SLC2A12: variants seen among roughly 807,000 people sequenced by gnomAD.
The protein encoded by SLC2A12 is solute carrier family 2, facilitated glucose transporter member 12.
SLC2A12 carries 23 observed loss-of-function variants against 41.8 expected under a neutral mutation model. The ratio of observed to expected loss-of-function variants is 0.55; its 90% CI spans 0.40 to 0.78. The LOEUF (loss-of-function observed/expected upper bound fraction) is 0.78. SLC2A12 is among the 30% of genes least tolerant of loss of function. The pLI, the probability that SLC2A12 is intolerant of heterozygous loss-of-function variation, is 0.00. For missense variants in SLC2A12, 654 were observed against 745.6 expected, an observed-to-expected ratio of 0.88 and a Z score of 1.43; for synonymous variants, 295 against 285.9, an observed-to-expected ratio of 1.03 and a Z score of -0.32.
chr6:134,028,450 A>G lies in SLC2A12; in HGVS notation c.1375T>C (p.Phe459Leu). The G allele has an allele frequency of 6.2e-7, 1 of 1,614,106 alleles. No individual in the cohort carries two copies. The highest frequency in any genetic ancestry group is 8.5e-7 in the Non-Finnish European group (1 of 1,180,012). The change falls in exon 2 of 5, where the codon TTT (phenylalanine) becomes CTT (leucine). Residue 459 changes from phenylalanine to leucine, a missense_variant. By Grantham distance (22) the Phe-to-Leu change is conservative (BLOSUM62 0). This residue lies in a region of SLC2A12 where 411 missense variants were observed against 412.1 expected (regional missense o/e 1.00). Coordinates refer to ENST00000275230, the MANE Select transcript of SLC2A12 (RefSeq NM_145176.3). ...IVTDPGDVPA[F>L]LKWLSLASLL... is the part of the protein sequence containing the mutation. ...CTGGCTAAGGACAGCCATTTCAAAA[A>G]AGCTGGGACGTCCCCAGGGTCTGTG...
rs1445509546 is a variant in SLC2A12, at chr6:134,029,168, T to G, written c.657A>C (p.Pro219=). 6.2e-7 allele frequency: 1 copy of G among 1,614,092 alleles called. No homozygotes were observed. Reference sequence around the variant, plus strand: ...CTTTCATCACCAGAAACCGAGGGCTTGGAGGAAGAAAATACATTGCAATTG... The same window carrying G: ...CTTTCATCACCAGAAACCGAGGGCTGGGAGGAAGAAAATACATTGCAATTG... ...LQAIAMYFLP[P]SPRFLVMKGQ... The change falls in exon 2 of 5, where the codon CCA becomes CCC. Residue 219 remains proline, a synonymous_variant. Transcript: ENST00000275230.
chr6:134,026,349 A>G (rs939085106), intron 2 of SLC2A12, among the ~76,000 whole-genome samples: 2 of 152,240 alleles, frequency 1.3e-5, no homozygotes, highest in African/African-American at 4.8e-5. Context: ...GTACTTGTTA[A>G]CATAGAGAAG....
intron 1 of SLC2A12, among the ~76,000 whole-genome samples, chr6:134,035,812 G>A (rs1488631264): frequency 6.6e-6 from 1 of 152,294 alleles, no homozygotes; most frequent in East Asian, 1.9e-4. Flanking sequence ...CTTTATTAAG[G>A]TGATAAAGTA....
At chr6:134,034,024 A>T (rs1777259376) in intron 1 of SLC2A12, among the ~76,000 whole-genome samples, 1 of 152,186 alleles carries the variant, frequency 6.6e-6, no homozygotes, top group South Asian at 2.1e-4. Context: ...TCTGGAAGCC[A>T]TCCCAGTTTG....
intron 2 of SLC2A12, among the ~76,000 whole-genome samples, chr6:134,023,472 T>C (rs769682170): frequency 2.0e-5 from 3 of 152,056 alleles, no homozygotes; most frequent in Non-Finnish European, 4.4e-5. Flanking sequence ...GGGGTTGTTG[T>C]GTTTGGCTGA....
chr6:133,987,644 G>GTATATA lies in SLC2A12; in HGVS notation c.*3510_*3511insTATATA, dbSNP rs1312448310. On this transcript the variant is annotated 3_prime_UTR_variant, in exon 5 of 5. Coordinates refer to ENST00000275230, the MANE Select transcript of SLC2A12 (RefSeq NM_145176.3). ...GTATTTTGTGTGTGTGTGTGTGTGT[G>GTATATA]TGTGTATATATATATATATATATGC... 5.4e-5 allele frequency: 7 copies of GTATATA among 128,680 alleles called. No individual in the cohort carries two copies. Among genetic ancestry groups the GTATATA allele is most frequent in the African/African-American group, 2.2e-4 (7 of 31,208 alleles). 8.0% of individuals were successfully genotyped at this position (128,680 alleles called of 1,614,324 possible). A position where few individuals can be genotyped will look rare whatever the true frequency, so the allele number is the denominator to read the frequency against.
At chr6:134,005,659 T>TGAAAAAA (rs1406443549) in intron 3 of SLC2A12, among the ~76,000 whole-genome samples, 2 of 64,960 alleles carry the variant, frequency 3.1e-5, no homozygotes, top group Non-Finnish European at 5.3e-5. Flanking sequence ...GACTCTGTCT[T>TGAAAAAA]AAAAAAAAAA....
chr6:134,012,139 T>C (rs541171766), intron 2 of SLC2A12, among the ~76,000 whole-genome samples: 1 of 152,358 alleles, frequency 6.6e-6, no homozygotes, highest in Admixed American at 6.5e-5. Context: ...TTCTTTTTTG[T>C]ATTCTCAGTC....
In SLC2A12 at chr6:134,038,226, A is replaced by G. The variant is rs1183290814; in HGVS notation, c.104-8505T>C. On this transcript the variant is annotated intron_variant, in intron 1 of 4. Coordinates refer to ENST00000275230, the MANE Select transcript of SLC2A12 (RefSeq NM_145176.3). The stretch of plus-strand genomic sequence containing the variant: ...CTGAAACTAATATTCTTCCACTCCT[A>G]TTGGCTGAGGAGTTAATAAGAGGAG... Among the ~76,000 whole-genome samples, 4 of 151,740 alleles carry G rather than the reference A, an allele frequency of 2.6e-5. 1 individual carries two copies. The highest frequency in any genetic ancestry group is 4.2e-4 in the South Asian group (2 of 4,808).
Position 134,017,365 on chromosome 6 carries a change from G to T in SLC2A12, c.1445-10431C>A, listed in dbSNP as rs192262577. Among the ~76,000 whole-genome samples, 29 of 152,254 alleles carry T rather than the reference G, an allele frequency of 1.9e-4. No homozygotes were observed. In the East Asian group the frequency reaches 2.3e-3, roughly 12 times the overall value. On this transcript the variant is annotated intron_variant, in intron 2 of 4. Transcript: ENST00000275230. The stretch of plus-strand genomic sequence containing the variant: ...GAGGACATCAAGATATCCAGTCCCA[G>T]ACTAGGGAGCTCCCCCTTAATTATG...
chr6:134,001,954 G>T lies in SLC2A12; in HGVS notation c.1700+43C>A. Reference sequence around the variant, plus strand: ...TGCTGTATATAAAAGCTGCACTTTTGACCAAAGAGTATTGTTCAGAAACCA... The same window carrying T: ...TGCTGTATATAAAAGCTGCACTTTTTACCAAAGAGTATTGTTCAGAAACCA... On this transcript the variant is annotated intron_variant, in intron 4 of 4. Coordinates refer to ENST00000275230, the MANE Select transcript of SLC2A12 (RefSeq NM_145176.3). The T allele has an allele frequency of 2.5e-6, 4 of 1,582,332 alleles. No homozygotes were observed. In the South Asian group the frequency reaches 3.5e-5, roughly 14 times the overall value.
Position 133,991,339 on chromosome 6 carries a change from T to C in SLC2A12, c.1701-31A>G, listed in dbSNP as rs376515119. ...AGAGAAAGAGGCACTAATGAAAATG[T>C]CATTCTTAGTTTACATGAAAAAAAT... On this transcript the variant is annotated intron_variant, in intron 4 of 4. Coordinates refer to ENST00000275230, the MANE Select transcript of SLC2A12 (RefSeq NM_145176.3). 1.7e-4 allele frequency: 280 copies of C among 1,602,842 alleles called. 2 individuals are homozygous for C. The African/African-American group carries it at 3.4e-3, about 20-fold the overall frequency.
chr6:134,049,348 A>T (rs1773641220), intron 1 of SLC2A12, among the ~76,000 whole-genome samples: 1 of 152,172 alleles, frequency 6.6e-6, no homozygotes, highest in South Asian at 2.1e-4. Flanking sequence ...GGGTGAAGGG[A>T]AACTTAAGAG....
intron 2 of SLC2A12, among the ~76,000 whole-genome samples, chr6:134,018,452 T>G (rs1367798844): frequency 6.6e-6 from 1 of 152,106 alleles, no homozygotes; most frequent in Non-Finnish European, 1.5e-5. Context: ...TGGTCCACAT[T>G]CAAACACAAT....
Position 134,028,887 on chromosome 6 carries a change from T to C in SLC2A12, c.938A>G (p.Asn313Ser). ...TVLKSVGFQS[N>S]EAASLASTGV... ...AGTGGAGGCGAGGCTAGCTGCCTCA[T>C]TGCTTTGAAATCCAACTGACTTCAA... Residue 313 changes from asparagine to serine, a missense_variant, in exon 2 of 5, where the codon AAT (asparagine) becomes AGT (serine). Asn to Ser is a conservative substitution (Grantham distance 46). Around this residue, in one of 3 missense-constraint regions of SLC2A12, gnomAD observed 411 missense variants for 412.1 expected, o/e 1.00. Transcript: ENST00000275230. 1 of 1,614,246 alleles carries C rather than the reference T, an allele frequency of 6.2e-7. No individual in the cohort carries two copies. Among genetic ancestry groups the C allele is most frequent in the Non-Finnish European group, 8.5e-7 (1 of 1,180,056 alleles).
intron 1 of SLC2A12, among the ~76,000 whole-genome samples, chr6:134,050,419 G>A (rs1773658411): frequency 6.6e-6 from 1 of 152,080 alleles, no homozygotes; most frequent in African/African-American, 2.4e-5. Context: ...GATAATTTAT[G>A]GTACTTATTC....
rs962581298 is a variant in SLC2A12, at chr6:133,991,129, T to C, written c.*26A>G. 1 of 1,600,274 alleles carries C rather than the reference T, an allele frequency of 6.2e-7. No individual in the cohort carries two copies. Among genetic ancestry groups the C allele is most frequent in the African/African-American group, 1.4e-5 (1 of 74,030 alleles). ...CACCCTCCTAAGTGTTCTGGCACTATCCACGTTCAGAAGGTGTTGAGGCCA... is the reference window on the plus strand; with the variant it reads ...CACCCTCCTAAGTGTTCTGGCACTACCCACGTTCAGAAGGTGTTGAGGCCA... On this transcript the variant is annotated 3_prime_UTR_variant, in exon 5 of 5. Transcript: ENST00000275230.
At position 134,028,754 on chromosome 6, in the gene SLC2A12, C is replaced by T. The variant is rs375938415; in HGVS notation, c.1071G>A (p.Ser357=). 2.1e-5 allele frequency: 34 copies of T among 1,614,030 alleles called. No individual in the cohort carries two copies. The highest frequency in any genetic ancestry group is 2.8e-5 in the Non-Finnish European group (33 of 1,180,030). The change falls in exon 2 of 5, where the codon TCG becomes TCA. Residue 357 remains serine (S), a synonymous_variant. Transcript: ENST00000275230. ...LCIGSSVMAA[S]LVTMGIVNLN... ...GATTTACGATGCCCATGGTCACCAA[C>T]GAAGCTGCCATCACAGAGGAGCCAA...
intron 2 of SLC2A12, among the ~76,000 whole-genome samples, chr6:134,008,703 G>A (rs1219922332): frequency 2.0e-5 from 3 of 152,204 alleles, no homozygotes; most frequent in Non-Finnish European, 4.4e-5. Context: ...TTGTAATGAA[G>A]ACCTGTCCTC....
Sources: gnomAD v4.1 joint callset for allele counts (sites outside exome capture counted in the v4.1 genomes callset) on GRCh38, gnomAD v4.1.1 for gene constraint, gnomAD v4.1.1 regional missense constraint, MANE v1.5 for transcripts, NCBI Gene and HGNC (gene_info 2026-07-23, HGNC 2026-07-21) for gene names.